The following CDH12 variants were observed in gnomAD, a reference collection of about 807,000 sequenced individuals.
The protein encoded by CDH12 is cadherin-12.
A neutral mutation model predicts 74.1 loss-of-function variants in CDH12; 41 were observed. The ratio of observed to expected loss-of-function variants is 0.55; its 90% confidence interval spans 0.43 to 0.72. The LOEUF (loss-of-function observed/expected upper bound fraction) is 0.72. Ranked by LOEUF, CDH12 falls within the 30% of genes least tolerant of loss-of-function variation. CDH12 has a pLI of 0.00. For synonymous variants in CDH12, 399 were observed against 355.0 expected (o/e 1.12, Z -1.39); for missense variants, 945 against 977.2 (o/e 0.97, Z 0.44).
chr5:22,026,669 G>C (rs1359078673), intron 5 of CDH12, among the ~76,000 whole-genome samples: 1 of 152,060 alleles, frequency 6.6e-6, no homozygotes, highest in African/African-American at 2.4e-5. Context: ...TTAGGGTTAG[G>C]GTTTCATGCT....
chr5:22,675,214 C>G (rs1741100205), intron 1 of CDH12, among the ~76,000 whole-genome samples: 1 of 152,122 alleles, frequency 6.6e-6, no homozygotes, highest in Non-Finnish European at 1.5e-5. Context: ...TGGGCGCAGT[C>G]TAGGGACTTG....
chr5:22,151,800 T>G (rs1280724935), intron 4 of CDH12: 2 of 152,194 alleles, frequency 1.3e-5, no homozygotes, highest in East Asian at 3.8e-4. Context: ...ATTACCAAGA[T>G]TTTATTGTAT....
At chr5:21,985,505 T>G (rs908090247) in intron 5 of CDH12, among the ~76,000 whole-genome samples, 1 of 152,156 alleles carries the variant, frequency 6.6e-6, no homozygotes, top group African/African-American at 2.4e-5. Flanking sequence ...TTGAAATCTA[T>G]GATTATAAGT....
intron 6 of CDH12, among the ~76,000 whole-genome samples, chr5:21,949,321 G>A (rs971290302): frequency 6.6e-6 from 1 of 151,700 alleles, no homozygotes; most frequent in African/African-American, 2.4e-5. Flanking sequence ...CTGGTGGGGG[G>A]CGCCTATATT....
At chr5:22,438,643 T>C (rs1222883534) in intron 2 of CDH12, among the ~76,000 whole-genome samples, 1 of 152,154 alleles carries the variant, frequency 6.6e-6, no homozygotes, top group Non-Finnish European at 1.5e-5. Context: ...AATAATCTCA[T>C]GTGGCCAGTG....
intron 4 of CDH12, among the ~76,000 whole-genome samples, chr5:22,087,593 A>G (rs1333686862): frequency 6.6e-6 from 1 of 152,158 alleles, no homozygotes; most frequent in African/African-American, 2.4e-5. Flanking sequence ...GTGCGCCGCA[A>G]TCATGCCACT....
chr5:22,214,993 G>C (rs943173827), intron 3 of CDH12, among the ~76,000 whole-genome samples: 10 of 152,200 alleles, frequency 6.6e-5, no homozygotes, highest in African/African-American at 2.4e-4. Flanking sequence ...TTTGTTGGAG[G>C]TGTGAGGGGA....
At chr5:22,020,540 G>A (rs1737904931) in intron 5 of CDH12, among the ~76,000 whole-genome samples, 3 of 144,610 alleles carry the variant, frequency 2.1e-5, no homozygotes, top group African/African-American at 8.1e-5. Flanking sequence ...GGTGACAAGA[G>A]TGAGACTTCG....
intron 1 of CDH12, among the ~76,000 whole-genome samples, chr5:22,614,252 C>G (rs536278480): frequency 6.6e-6 from 1 of 152,090 alleles, no homozygotes; most frequent in Non-Finnish European, 1.5e-5. Flanking sequence ...TCAACACATC[C>G]TGCCTTCTGA....
intron 3 of CDH12, among the ~76,000 whole-genome samples, chr5:22,349,844 C>G (rs1008527925): frequency 1.3e-5 from 2 of 152,188 alleles, no homozygotes; most frequent in Admixed American, 1.3e-4. Flanking sequence ...AGGCCATTCT[C>G]CTGCCTCAGC....
At chr5:22,422,504 G>A (rs1241685802) in intron 2 of CDH12, among the ~76,000 whole-genome samples, 2 of 152,014 alleles carry the variant, frequency 1.3e-5, no homozygotes, top group Admixed American at 6.6e-5. Context: ...TTGCATTGAT[G>A]TTCATCAGAA....
Position 21,996,112 on chromosome 5 carries a change from T to G in CDH12, c.232-20727A>C, listed in dbSNP as rs1379815919. Among the ~76,000 whole-genome samples the G allele has an allele frequency of 9.8e-4, 80 of 81,558 alleles. No individual in the cohort carries two copies. In the East Asian group the frequency reaches 0.017, roughly 17 times the overall value. The allele number at this position is 81,558 out of a possible 152,430, so 53.5% of individuals were successfully genotyped here. ...TTATAAGTTCACACACACGTTTTTT[T>G]TTTTTTTTTTTTTTTTTTTTCCAAT... On this transcript the variant is annotated intron_variant, in intron 5 of 14. Transcript: ENST00000382254.
rs766005547 is a variant in CDH12, at chr5:21,751,651, T to TGTGTGTGTGTGTGTGA, written c.*85_*86insTCACACACACACACAC. ...GTGTGTTTGTGTGTGTGTGTGTGTG[T>TGTGTGTGTGTGTGTGA]GAGAGAGATTTCTATTAATATTTGT... is the stretch of plus-strand genomic sequence containing the variant. On this transcript the variant is annotated 3_prime_UTR_variant, in exon 15 of 15. Coordinates refer to ENST00000382254, the MANE Select transcript of CDH12 (RefSeq NM_004061.5). The TGTGTGTGTGTGTGTGA allele has an allele frequency of 4.5e-5, 43 of 959,356 alleles. No individual in the cohort carries two copies. The African/African-American group carries it at 5.7e-4, about 13-fold the overall frequency. The allele number at this position is 959,356 out of a possible 1,614,324, so 59.4% of individuals were successfully genotyped here.
chr5:22,562,535 G>C (rs931375655), intron 1 of CDH12, among the ~76,000 whole-genome samples: 1 of 151,414 alleles, frequency 6.6e-6, no homozygotes, highest in Non-Finnish European at 1.5e-5. Flanking sequence ...GCCCATATCA[G>C]AAAAGAAAAT....
At chr5:21,829,196 G>A (rs1296028064) in intron 8 of CDH12, among the ~76,000 whole-genome samples, 1 of 152,212 alleles carries the variant, frequency 6.6e-6, no homozygotes, top group Non-Finnish European at 1.5e-5. Context: ...TCAGGAGGCT[G>A]AGGCAGGAGA....
At chr5:21,803,137 T>C (rs904887488) in intron 9 of CDH12, among the ~76,000 whole-genome samples, 1 of 152,092 alleles carries the variant, frequency 6.6e-6, no homozygotes, top group Non-Finnish European at 1.5e-5. Context: ...TGAAATAGGA[T>C]CATTGAAGAT....
intron 6 of CDH12, among the ~76,000 whole-genome samples, chr5:21,936,866 C>A (rs1021039263): frequency 5.3e-5 from 8 of 152,074 alleles, no homozygotes; most frequent in South Asian, 4.1e-4. Context: ...CTCTTACCTG[C>A]CACAGTGTAA....
At chr5:22,675,870 C>CATATATATATATATAT (rs144687047) in intron 1 of CDH12, among the ~76,000 whole-genome samples, 3,546 of 92,076 alleles carry the variant, frequency 0.039, 302 homozygotes, top group African/African-American at 0.089. Flanking sequence ...TTTTGTATCT[C>CATATATATATATATAT]ATATATATAT....
intron 8 of CDH12, among the ~76,000 whole-genome samples, chr5:21,825,311 T>G (rs1748610198): frequency 6.6e-6 from 1 of 152,198 alleles, no homozygotes; most frequent in Non-Finnish European, 1.5e-5. Flanking sequence ...TAGTGCATAC[T>G]TCAGTATTAA....
Sources: allele counts gnomAD v4.1 joint callset (sites outside exome capture counted in the v4.1 genomes callset), GRCh38; gene constraint gnomAD v4.1.1; transcripts MANE v1.5; gene names NCBI Gene and HGNC (gene_info 2026-07-23, HGNC 2026-07-21).